Variants in PTPRM observed in about 807,000 individuals in gnomAD.
PTPRM encodes receptor-type tyrosine-protein phosphatase mu.
A neutral mutation model predicts 186.7 loss-of-function variants in PTPRM; 47 were observed. That is an observed-to-expected ratio of 0.25 (90% CI 0.20 to 0.32). PTPRM has a LOEUF of 0.32. Among genes scored for constraint, PTPRM ranks in the 10% least tolerant of loss-of-function variants. The pLI, the probability that PTPRM is intolerant of heterozygous loss-of-function variation, is 1.00. For missense variants in PTPRM, 1,494 were observed against 1,865.0 expected (o/e 0.80, Z 3.66); for synonymous variants, 668 against 674.9 (o/e 0.99, Z 0.16).
At chr18:7,669,883 C>T (rs958433595) in intron 1 of PTPRM, among the ~76,000 whole-genome samples, 5 of 151,984 alleles carry the variant, frequency 3.3e-5, no homozygotes, top group South Asian at 2.1e-4. Flanking sequence ...CCACCAAGCC[C>T]GGCTAATTTT....
At chr18:7,715,934 G>T (rs1208290814) in intron 1 of PTPRM, among the ~76,000 whole-genome samples, 1 of 152,132 alleles carries the variant, frequency 6.6e-6, no homozygotes, top group African/African-American at 2.4e-5. Flanking sequence ...TGGCCATACT[G>T]CCCAAAGTAA....
chr18:8,350,050 C>A (rs1182823969), intron 23 of PTPRM, among the ~76,000 whole-genome samples: 1 of 152,192 alleles, frequency 6.6e-6, no homozygotes, highest in African/African-American at 2.4e-5. Context: ...GGGGCAAATC[C>A]TCTAAGTTCC....
chr18:7,951,199 T>C (rs1186239390), intron 6 of PTPRM, among the ~76,000 whole-genome samples: 1 of 152,214 alleles, frequency 6.6e-6, no homozygotes, highest in Non-Finnish European at 1.5e-5. Flanking sequence ...TTGAAAGTGC[T>C]CTGGCAAGTG....
At chr18:7,588,409 A>G (rs922323801) in intron 1 of PTPRM, among the ~76,000 whole-genome samples, 7 of 152,194 alleles carry the variant, frequency 4.6e-5, no homozygotes, top group Admixed American at 3.9e-4. Context: ...AGGATTGACT[A>G]TCATTGGAAA....
intron 1 of PTPRM, among the ~76,000 whole-genome samples, chr18:7,706,601 C>CAAA (rs766639399): frequency 0.02 from 323 of 15,878 alleles, 13 homozygotes; most frequent in African/African-American, 0.031. Context: ...GACCTTGTCT[C>CAAA]AAAAAAAAAA....
Position 7,938,355 on chromosome 18 carries a change from G to A in PTPRM, c.664-10826G>A, listed in dbSNP as rs1279424449. Among the ~76,000 whole-genome samples, 11 of 152,232 alleles carry A rather than the reference G, an allele frequency of 7.2e-5. No individual in the cohort carries two copies. In the South Asian group the frequency reaches 1.2e-3, roughly 17 times the overall value. On this transcript the variant is annotated intron_variant, in intron 5 of 32. Transcript: ENST00000580170. Reference sequence around the variant, plus strand: ...GGAAAAGTGACGTTATTAACCAGCCGTGTGAATGACTAGCCTGGCCTTTTA... The same window carrying A: ...GGAAAAGTGACGTTATTAACCAGCCATGTGAATGACTAGCCTGGCCTTTTA...
intron 9 of PTPRM, among the ~76,000 whole-genome samples, chr18:8,083,771 A>G (rs1165034682): frequency 6.6e-6 from 1 of 152,148 alleles, no homozygotes; most frequent in East Asian, 1.9e-4. Context: ...AAACAGAGCT[A>G]ACTGTCTCAT....
intron 20 of PTPRM, among the ~76,000 whole-genome samples, chr18:8,305,027 T>C (rs918082273): frequency 6.6e-6 from 1 of 152,220 alleles, no homozygotes; most frequent in Non-Finnish European, 1.5e-5. Context: ...CGTACACCAA[T>C]GCGTTTGATT....
chr18:8,084,068 T>C (rs1011152411), intron 9 of PTPRM, among the ~76,000 whole-genome samples: 1 of 152,132 alleles, frequency 6.6e-6, no homozygotes, highest in South Asian at 2.1e-4. Context: ...AATTATACTT[T>C]GTCATAGTTG....
intron 2 of PTPRM, among the ~76,000 whole-genome samples, chr18:7,865,361 T>C (rs1292294490): frequency 1.3e-5 from 2 of 152,200 alleles, no homozygotes; most frequent in African/African-American, 4.8e-5. Flanking sequence ...ATACGTCCCA[T>C]TGATACCTAG....
chr18:8,232,229 A>G (rs1263229285), intron 14 of PTPRM, among the ~76,000 whole-genome samples: 33 of 152,254 alleles, frequency 2.2e-4, no homozygotes, highest in Non-Finnish European at 1.5e-5. Context: ...TCAGATTGAC[A>G]TCTTTCACTT....
chr18:7,851,652 A>T (rs1365540794), intron 2 of PTPRM, among the ~76,000 whole-genome samples: 1 of 115,124 alleles, frequency 8.7e-6, no homozygotes, highest in Non-Finnish European at 1.9e-5. Context: ...CAAAAAAAAA[A>T]ACTGAGGCAA....
chr18:7,631,131 A>C (rs566237948), intron 1 of PTPRM, among the ~76,000 whole-genome samples: 1 of 152,298 alleles, frequency 6.6e-6, no homozygotes, highest in African/African-American at 2.4e-5. Flanking sequence ...TAAGACTTTA[A>C]TTAAGAAGGT....
intron 7 of PTPRM, among the ~76,000 whole-genome samples, chr18:7,964,190 T>C (rs1226820142): frequency 6.6e-6 from 1 of 152,338 alleles, no homozygotes; most frequent in South Asian, 2.1e-4. Context: ...AATCTGTATG[T>C]ACTGCATACG....
Position 7,939,428 on chromosome 18 carries a change from C to A in PTPRM, c.664-9753C>A, listed in dbSNP as rs144807610. 2.6e-3 allele frequency among the ~76,000 whole-genome samples: 396 copies of A among 152,238 alleles called. 4 individuals carry two copies. The highest frequency in any genetic ancestry group is 8.7e-3 in the African/African-American group (360 of 41,536). ...TATTTCTGAAAGACTTAATATGTAT[C>A]TTTTGCTGGTAAATTACTGCTCATT... On this transcript the variant is annotated intron_variant, in intron 5 of 32. Coordinates refer to ENST00000580170, the MANE Select transcript of PTPRM (RefSeq NM_001105244.2).
intron 14 of PTPRM, among the ~76,000 whole-genome samples, chr18:8,193,943 G>T (rs181260677): frequency 6.6e-6 from 1 of 152,174 alleles, no homozygotes; most frequent in African/African-American, 2.4e-5. Context: ...ATTAAGAAAC[G>T]CACCAGACCA....
At chr18:8,155,252 A>G (rs913019629) in intron 14 of PTPRM, among the ~76,000 whole-genome samples, 3 of 152,328 alleles carry the variant, frequency 2.0e-5, no homozygotes, top group South Asian at 2.1e-4. Flanking sequence ...TGTAAGCACT[A>G]TCAATTTTAC....
At chr18:7,808,445 GTCT>G (rs1415755926) in intron 2 of PTPRM, among the ~76,000 whole-genome samples, 2 of 152,200 alleles carry the variant, frequency 1.3e-5, no homozygotes, top group Non-Finnish European at 2.9e-5. Context: ...TGAAATCTGT[GTCT>G]TCTTAATTTA....
intron 7 of PTPRM, among the ~76,000 whole-genome samples, chr18:8,037,826 C>A (rs149337335): frequency 2.4e-3 from 372 of 152,152 alleles, no homozygotes; most frequent in Non-Finnish European, 4.2e-3. Context: ...AATCCACACA[C>A]CCAAAAAGCA....
Sources: gnomAD v4.1 joint callset for allele counts (sites outside exome capture counted in the v4.1 genomes callset) on GRCh38, gnomAD v4.1.1 for gene constraint, MANE v1.5 for transcripts, NCBI Gene and HGNC (gene_info 2026-07-23, HGNC 2026-07-21) for gene names.